ESF1: variants seen among roughly 807,000 people sequenced by gnomAD.
ESF1 encodes the protein ESF1 homolog.
A neutral mutation model predicts 92.0 loss-of-function variants in ESF1; 58 were observed. The observed-to-expected ratio is 0.63, with a 90% CI of 0.51 to 0.78. The LOEUF is 0.78. Ranked by LOEUF, ESF1 falls within the 30% of genes least tolerant of loss-of-function variation. The pLI is 0.00. For missense variants in ESF1, 922 were observed against 989.1 expected (o/e 0.93, Z 0.91); for synonymous variants, 321 against 313.7 (o/e 1.02, Z -0.24).
chr20:13,716,690 G>A (rs991643859), intron 13 of ESF1, among the ~76,000 whole-genome samples: 4 of 148,786 alleles, frequency 2.7e-5, no homozygotes, highest in East Asian at 1.9e-4. Flanking sequence ...GCCCAGGCTG[G>A]AGTGCAGTGC....
chr20:13,782,830 TC>T lies in ESF1; in HGVS notation c.310del (p.Glu104LysfsTer7), dbSNP rs774063669. 8.7e-6 allele frequency: 14 copies of T among 1,603,914 alleles called. No homozygotes were observed. The South Asian group carries it at 1.6e-4, about 18-fold the overall frequency. ...IKKKKTQTKK[E>X]IDSKNLVEKK... ...CTCAACTAGATTTTTTGAATCGATT[TC>T]TTTTTTAGTCTGGGTTTTTTTCTTC... On this transcript the variant is annotated frameshift_variant, in exon 2 of 14. Transcript: ENST00000617257. LOFTEE classifies it high-confidence loss of function.
chr20:13,764,007 G>T (rs1979320063), intron 8 of ESF1, among the ~76,000 whole-genome samples: 1 of 152,092 alleles, frequency 6.6e-6, no homozygotes, highest in Admixed American at 6.6e-5. Flanking sequence ...CCAATCATGG[G>T]ATCTCGAAAA....
At chr20:13,729,808 T>C (rs535538725) in intron 10 of ESF1, among the ~76,000 whole-genome samples, 1 of 152,324 alleles carries the variant, frequency 6.6e-6, no homozygotes, top group African/African-American at 2.4e-5. Context: ...TTGGTTAAAT[T>C]TTTCCTAATC....
intron 6 of ESF1, among the ~76,000 whole-genome samples, chr20:13,770,463 G>T (rs776411544): frequency 6.6e-6 from 1 of 152,074 alleles, no homozygotes; most frequent in Non-Finnish European, 1.5e-5. Context: ...CAACGGCCTG[G>T]GCTCAAGCGA....
intron 2 of ESF1, among the ~76,000 whole-genome samples, chr20:13,781,327 TTA>T (rs1164124199): frequency 6.6e-6 from 1 of 152,222 alleles, no homozygotes; most frequent in Non-Finnish European, 1.5e-5. Flanking sequence ...ACATTGACTT[TTA>T]TATTGATTAC....
chr20:13,742,212 C>CA (rs542190671), intron 9 of ESF1, among the ~76,000 whole-genome samples: 10 of 152,082 alleles, frequency 6.6e-5, no homozygotes, highest in Non-Finnish European at 7.4e-5. Context: ...ACTAAAAATA[C>CA]AAAAAATTAG....
At chr20:13,745,555 G>A (rs536467601) in intron 9 of ESF1, among the ~76,000 whole-genome samples, 2 of 152,078 alleles carry the variant, frequency 1.3e-5, no homozygotes, top group African/African-American at 2.4e-5. Flanking sequence ...GGGTTCAAGC[G>A]GTTCTCCTGC....
At chr20:13,753,465 T>C (rs1327349968) in intron 9 of ESF1, among the ~76,000 whole-genome samples, 2 of 150,632 alleles carry the variant, frequency 1.3e-5, no homozygotes, top group Non-Finnish European at 3.0e-5. Context: ...CTCTTCCTTA[T>C]TGTAGATATC....
chr20:13,739,985 G>A (rs2050000833), intron 9 of ESF1, among the ~76,000 whole-genome samples: 1 of 152,154 alleles, frequency 6.6e-6, no homozygotes, highest in Non-Finnish European at 1.5e-5. Flanking sequence ...GAGAACACAT[G>A]CCTGTTTGGG....
intron 9 of ESF1, among the ~76,000 whole-genome samples, chr20:13,750,678 T>TA (rs1978592074): frequency 6.6e-6 from 1 of 152,156 alleles, no homozygotes; most frequent in African/African-American, 2.4e-5. Context: ...CACAACAAAT[T>TA]AATACAATCC....
At chr20:13,739,293 C>T (rs1056553656) in intron 9 of ESF1, among the ~76,000 whole-genome samples, 12 of 152,138 alleles carry the variant, frequency 7.9e-5, no homozygotes, top group African/African-American at 2.9e-4. Context: ...TCGCCTTTTA[C>T]TCTCCCTTGA....
Position 13,728,446 on chromosome 20 carries a change from C to T in ESF1, c.1970G>A (p.Ser657Asn). The change falls in exon 11 of 14, where the codon AGT becomes AAT. Residue 657 changes from serine (S) to asparagine (N), a missense_variant. By Grantham distance (46) the Ser-to-Asn change is conservative. Coordinates refer to ENST00000617257, the MANE Select transcript of ESF1 (RefSeq NM_001276380.2). Reference protein sequence around the residue: ...RKQKALAEEASEEELPSDVDL... With the variant: ...RKQKALAEEANEEELPSDVDL... ...AACATCAGAGGGAAGTTCCTCTTCA[C>T]TGGCCTCTTCAGCAAGAGCCTTAAA... 1.9e-6 allele frequency: 3 copies of T among 1,611,566 alleles called. No individual in the cohort carries two copies. Among genetic ancestry groups the T allele is most frequent in the Non-Finnish European group, 2.5e-6 (3 of 1,178,856 alleles).
intron 11 of ESF1, among the ~76,000 whole-genome samples, chr20:13,721,661 A>T (rs1311629607): frequency 2.6e-5 from 4 of 152,196 alleles, no homozygotes; most frequent in African/African-American, 9.7e-5. Flanking sequence ...TGTGTGTATT[A>T]AGTCCCTGCG....
intron 7 of ESF1, among the ~76,000 whole-genome samples, chr20:13,768,597 AAAAG>A (rs1465666363): frequency 2.0e-5 from 3 of 151,190 alleles, no homozygotes; most frequent in Non-Finnish European, 2.9e-5. Context: ...AAAGCAAAAA[AAAAG>A]AAAAGGGAGA....
intron 9 of ESF1, among the ~76,000 whole-genome samples, chr20:13,745,317 A>C (rs975756317): frequency 2.6e-5 from 4 of 152,258 alleles, no homozygotes; most frequent in African/African-American, 9.6e-5. Flanking sequence ...CATAACAGAA[A>C]TAAAGTATAA....
intron 9 of ESF1, among the ~76,000 whole-genome samples, chr20:13,748,592 A>ATATATATAT (rs1331098586): frequency 6.3e-5 from 6 of 95,740 alleles, no homozygotes; most frequent in African/African-American, 3.9e-4. Flanking sequence ...ATATATATAT[A>ATATATATAT]TTTTTTTTTT....
At position 13,782,886 on chromosome 20, in the gene ESF1, A is replaced by G. The variant is rs2147454347; in HGVS notation, c.255T>C (p.Asp85=). 2 of 1,613,604 alleles carry G rather than the reference A, an allele frequency of 1.2e-6. No individual in the cohort carries two copies. Among genetic ancestry groups the G allele is most frequent in the Middle Eastern group, 3.3e-4 (2 of 6,062 alleles). ...TTTTCTTTTGACTCAATGCTTTGCTATCTTCACCAGAGAGATTGGAATCAG... is the reference window on the plus strand; with the variant it reads ...TTTTCTTTTGACTCAATGCTTTGCTGTCTTCACCAGAGAGATTGGAATCAG... ...SDSDSNLSGE[D]SKALSQKKIK... Residue 85 remains aspartate, a synonymous_variant, in exon 2 of 14, where the codon GAT becomes GAC. Transcript: ENST00000617257.
intron 11 of ESF1, among the ~76,000 whole-genome samples, chr20:13,725,746 G>C (rs2049897038): frequency 1.3e-5 from 2 of 152,156 alleles, no homozygotes; most frequent in African/African-American, 4.8e-5. Flanking sequence ...GCCATGGTTT[G>C]AAGTACTATT....
intron 9 of ESF1, among the ~76,000 whole-genome samples, chr20:13,746,504 T>C (rs1192607638): frequency 6.6e-6 from 1 of 152,210 alleles, no homozygotes; most frequent in African/African-American, 2.4e-5. Context: ...GAGGCCTCTA[T>C]GCTCTTTCTG....
Sources: allele counts gnomAD v4.1 joint callset (sites outside exome capture counted in the v4.1 genomes callset), GRCh38; gene constraint gnomAD v4.1.1; transcripts MANE v1.5; gene names NCBI Gene and HGNC (gene_info 2026-07-23, HGNC 2026-07-21).